The following PHF24 variants were observed in gnomAD, a reference collection of about 807,000 sequenced individuals.
PHF24 encodes the protein PHD finger protein 24.
Under a neutral mutation model 42.6 loss-of-function variants are expected in PHF24, and 25 were observed. That is an observed-to-expected ratio of 0.59 (90% CI 0.43 to 0.82). The LOEUF (loss-of-function observed/expected upper bound fraction) is 0.82. PHF24 is among the 40% of genes least tolerant of loss of function. The probability of loss-of-function intolerance (pLI) is 0.00; values close to 1 mark genes in which losing one functional copy is unlikely to be tolerated. For missense variants in PHF24, 470 were observed against 538.1 expected (o/e 0.87, Z 1.25); for synonymous variants, 185 against 204.8 (o/e 0.90, Z 0.83).
intron 7 of PHF24, 34 bp downstream of exon 7, chr9:34,977,675 C>G: frequency 6.7e-7 from 1 of 1,501,052 alleles, no homozygotes; most frequent in Non-Finnish European, 9.1e-7. Flanking sequence ...CCATTTGTAC[C>G]CTCTGAACCC....
chr9:34,723,587 A>C, the PHF24 span: 1 of 1,551,636 alleles, frequency 6.4e-7, no homozygotes, highest in Non-Finnish European at 8.7e-7. Flanking sequence ...ATGCTGCAGA[A>C]AACATTTAAT....
intron 3 of PHF24, among the ~76,000 whole-genome samples, chr9:34,974,593 T>A (rs930562712): frequency 6.6e-6 from 1 of 152,140 alleles, no homozygotes; most frequent in Admixed American, 6.5e-5. Flanking sequence ...CAATGCCCTT[T>A]GTTAGTTTCT....
chr9:34,752,098 G>T, the PHF24 span, among the ~76,000 whole-genome samples: 4 of 151,996 alleles, frequency 2.6e-5, no homozygotes, highest in Admixed American at 2.6e-4. Flanking sequence ...CATCAAAAAA[G>T]TAGAAAAATT....
At chr9:34,956,631 A>G (rs1826380120), upstream of PHF24, among the ~76,000 whole-genome samples, 1 of 152,254 alleles carries the variant, frequency 6.6e-6, no homozygotes, top group African/African-American at 2.4e-5. Context: ...CCTTTTCCAT[A>G]TAAGCCCATC....
chr9:34,860,964 T>G, the PHF24 span, among the ~76,000 whole-genome samples: 1 of 152,154 alleles, frequency 6.6e-6, no homozygotes, highest in African/African-American at 2.4e-5. Flanking sequence ...TCTTGTAGAC[T>G]ACATGCAGAG....
chr9:34,677,199 A>C, the PHF24 span, among the ~76,000 whole-genome samples: 4 of 152,198 alleles, frequency 2.6e-5, no homozygotes, highest in East Asian at 5.8e-4. Flanking sequence ...TTATGCTTCA[A>C]ATATAATCCA....
chr9:34,758,928 C>T, the PHF24 span, among the ~76,000 whole-genome samples: 7 of 152,036 alleles, frequency 4.6e-5, no homozygotes, highest in African/African-American at 1.2e-4. The surrounding 1 kb of genome is among the most constrained non-coding windows in gnomAD (Gnocchi z 4.4). Flanking sequence ...CCCAATCTGG[C>T]GAGGGAGGTG....
chr9:34,970,935 A>G lies in PHF24; in HGVS notation c.-4-360A>G, dbSNP rs557025458. On this transcript the variant is annotated intron_variant, in intron 1 of 7. Transcript: ENST00000242315. ...CCCTCATTCCATAGATGGGAAAACC[A>G]AAGTTGCAAGGCCTGTCAGAAATCG... 3.9e-5 allele frequency among the ~76,000 whole-genome samples: 6 copies of G among 152,256 alleles called. No individual in the cohort carries two copies. The South Asian group carries it at 1.0e-3, about 26-fold the overall frequency.
chr9:34,774,964 G>A, the PHF24 span, among the ~76,000 whole-genome samples: 1 of 152,174 alleles, frequency 6.6e-6, no homozygotes, highest in Non-Finnish European at 1.5e-5. Flanking sequence ...ATCTGGAAAT[G>A]TAAAATGTTA....
the PHF24 span, chr9:34,689,852 G>T: frequency 6.2e-7 from 1 of 1,614,182 alleles, no homozygotes. The surrounding 1 kb of genome is among the most constrained non-coding windows in gnomAD (Gnocchi z 4.1). Flanking sequence ...AGAGGAGGAA[G>T]GAGAGGAAGG....
At chr9:34,885,041 C>G in the PHF24 span, among the ~76,000 whole-genome samples, 1 of 152,234 alleles carries the variant, frequency 6.6e-6, no homozygotes, top group African/African-American at 2.4e-5. Context: ...TGTGACCCTT[C>G]TGAGTCACTT....
chr9:34,976,381 C>T, intron 4 of PHF24, 151 bp downstream of exon 4: 1 of 982,234 alleles, frequency 1.0e-6, no homozygotes, highest in Non-Finnish European at 1.6e-6. Context: ...GCAGAGTCAC[C>T]TATCCCTGTC....
the PHF24 span, among the ~76,000 whole-genome samples, chr9:34,754,243 A>C: frequency 6.6e-6 from 1 of 152,316 alleles, no homozygotes; most frequent in South Asian, 2.1e-4. Context: ...AAATGTTTAC[A>C]AACGATCTCT....
At chr9:34,882,594 G>T in the PHF24 span, among the ~76,000 whole-genome samples, 1 of 149,364 alleles carries the variant, frequency 6.7e-6, no homozygotes, top group Non-Finnish European at 1.5e-5. Flanking sequence ...GCCAAATCAT[G>T]AGTGAACTCC....
At chr9:34,838,249 G>T in the PHF24 span, 1 of 639,070 alleles carries the variant, frequency 1.6e-6, no homozygotes, top group South Asian at 1.9e-5. Context: ...CATAAAAATT[G>T]GGGGAGAGGG....
At chr9:34,724,583 T>C in the PHF24 span, 11,472 of 1,539,162 alleles carry the variant, frequency 7.5e-3, 602 homozygotes, top group African/African-American at 0.13. Context: ...GGTCAAGATA[T>C]GTGTCTGGAG....
At chr9:34,911,342 C>T in the PHF24 span, among the ~76,000 whole-genome samples, 2 of 152,154 alleles carry the variant, frequency 1.3e-5, no homozygotes, top group African/African-American at 2.4e-5. Context: ...GCAACCTCCA[C>T]CTCCTGGGTT....
chr9:34,887,822 G>C, the PHF24 span, among the ~76,000 whole-genome samples: 245 of 152,178 alleles, frequency 1.6e-3, no homozygotes, highest in African/African-American at 5.0e-3. Context: ...TTCCTTGAGA[G>C]AGCAGATTTT....
chr9:34,976,880 CAG>C (rs531696228), intron 5 of PHF24, 140 bp downstream of exon 5: 342 of 904,198 alleles, frequency 3.8e-4, no homozygotes, highest in Non-Finnish European at 5.4e-4. Flanking sequence ...CATCCAGTGA[CAG>C]ATGATCTGGT....
Sources: gnomAD v4.1 joint callset for allele counts (sites outside exome capture counted in the v4.1 genomes callset) on GRCh38, gnomAD v4.1.1 for gene constraint, Gnocchi (gnomAD v3.1) non-coding constraint, MANE v1.5 for transcripts, NCBI Gene and HGNC (gene_info 2026-07-23, HGNC 2026-07-21) for gene names.